The following WWOX variants were observed in gnomAD, a reference collection of about 807,000 sequenced individuals.
The protein encoded by WWOX is WW domain-containing oxidoreductase.
WWOX carries 69 observed loss-of-function variants against 46.2 expected under a neutral mutation model. That is an observed-to-expected ratio of 1.49 (90% CI 1.23 to 1.82). The LOEUF (loss-of-function observed/expected upper bound fraction) is 1.82. Ranked by LOEUF, WWOX falls within the 40% of genes most tolerant of loss-of-function variation. The pLI, the probability that WWOX is intolerant of heterozygous loss-of-function variation, is 0.00. For synonymous variants in WWOX, 359 were observed against 202.6 expected (o/e 1.77, Z -6.56); for missense variants, 919 against 542.6 (o/e 1.69, Z -6.89).
At chr16:78,965,716 C>T (rs773089189) in intron 8 of WWOX, among the ~76,000 whole-genome samples, 2 of 152,190 alleles carry the variant, frequency 1.3e-5, no homozygotes, top group Non-Finnish European at 1.5e-5. Context: ...CTTTGCCCTT[C>T]CCGCATTGTG....
chr16:78,123,447 T>G lies in WWOX; in HGVS notation c.409+8293T>G, dbSNP rs1476119054. ...TTCTTTGTTTTTTGTTTTGTTTTTTTTTTTTTTGTTTTTTTTTTTTGTTTT... is the reference window on the plus strand; with the variant it reads ...TTCTTTGTTTTTTGTTTTGTTTTTTGTTTTTTTGTTTTTTTTTTTTGTTTT... On this transcript the variant is annotated intron_variant, in intron 4 of 8. Coordinates refer to ENST00000566780, the MANE Select transcript of WWOX (RefSeq NM_016373.4). 16 of 26,094 alleles carry G rather than the reference T, an allele frequency of 6.1e-4. 1 individual carries two copies. The highest frequency in any genetic ancestry group is 2.9e-3 in the African/African-American group (15 of 5,100). 1.6% of individuals were successfully genotyped at this position (26,094 alleles called of 1,614,324 possible). A position where few individuals can be genotyped will look rare whatever the true frequency, so the allele number is the denominator to read the frequency against.
chr16:78,882,201 G>A (rs2044356927), intron 8 of WWOX, among the ~76,000 whole-genome samples: 2 of 152,190 alleles, frequency 1.3e-5, no homozygotes, highest in African/African-American at 4.8e-5. Context: ...AAGAATAAGT[G>A]TCATAAAGCC....
chr16:78,281,211 A>G (rs895579139), intron 5 of WWOX, among the ~76,000 whole-genome samples: 2 of 152,242 alleles, frequency 1.3e-5, no homozygotes, highest in Non-Finnish European at 2.9e-5. Flanking sequence ...CCAGATCTCC[A>G]GAGATCTCAC....
intron 8 of WWOX, among the ~76,000 whole-genome samples, chr16:78,968,486 G>T (rs1283257190): frequency 6.6e-6 from 1 of 152,184 alleles, no homozygotes; most frequent in Non-Finnish European, 1.5e-5. Context: ...CTTCATCGTG[G>T]ATGCAATTAT....
chr16:78,647,881 G>T (rs914997779), intron 8 of WWOX, among the ~76,000 whole-genome samples: 3 of 151,968 alleles, frequency 2.0e-5, no homozygotes, highest in African/African-American at 7.2e-5. Flanking sequence ...CTCTCACTCT[G>T]AGTATTTAGA....
At chr16:78,173,385 C>A (rs1046014059) in intron 5 of WWOX, among the ~76,000 whole-genome samples, 1 of 151,986 alleles carries the variant, frequency 6.6e-6, no homozygotes, top group African/African-American at 2.4e-5. Flanking sequence ...ACCTCCTGGG[C>A]TCAAGTGATC....
At chr16:78,180,422 C>T (rs1035944397) in intron 5 of WWOX, among the ~76,000 whole-genome samples, 2 of 151,794 alleles carry the variant, frequency 1.3e-5, no homozygotes, top group Non-Finnish European at 2.9e-5. Flanking sequence ...CCAGCTGCAC[C>T]CAAGAGTAGG....
At chr16:79,085,556 A>G (rs117749355) in intron 8 of WWOX, among the ~76,000 whole-genome samples, 7 of 152,304 alleles carry the variant, frequency 4.6e-5, no homozygotes, top group Non-Finnish European at 1.0e-4. Flanking sequence ...TGGAAATGCA[A>G]CTTTCTCAAT....
chr16:78,154,010 A>C (rs1228412907), intron 4 of WWOX, among the ~76,000 whole-genome samples: 2 of 151,926 alleles, frequency 1.3e-5, no homozygotes, highest in Non-Finnish European at 2.9e-5. Flanking sequence ...TGTCCAACCT[A>C]CCAGTGAGTC....
chr16:78,759,577 C>A (rs965928830), intron 8 of WWOX, among the ~76,000 whole-genome samples: 1 of 152,084 alleles, frequency 6.6e-6, no homozygotes, highest in Non-Finnish European at 1.5e-5. Flanking sequence ...TTTAAACTAA[C>A]CCTCTAAAGA....
At chr16:78,307,113 G>A (rs1379049172) in intron 5 of WWOX, among the ~76,000 whole-genome samples, 2 of 152,074 alleles carry the variant, frequency 1.3e-5, no homozygotes, top group African/African-American at 2.4e-5. Flanking sequence ...TTTCTACACC[G>A]TGGCTACTTT....
At chr16:78,216,123 A>C (rs2036713798) in intron 5 of WWOX, among the ~76,000 whole-genome samples, 1 of 152,216 alleles carries the variant, frequency 6.6e-6, no homozygotes, top group South Asian at 2.1e-4. Context: ...TGTGTGGACC[A>C]TTCCATCTCA....
At chr16:78,760,203 G>A (rs1419158152) in intron 8 of WWOX, among the ~76,000 whole-genome samples, 2 of 152,128 alleles carry the variant, frequency 1.3e-5, no homozygotes, top group African/African-American at 2.4e-5. Context: ...GCCAGGTGAA[G>A]GAGTTTCCCG....
At chr16:78,760,803 ACCCAAGAC>A (rs2049773655) in intron 8 of WWOX, among the ~76,000 whole-genome samples, 1 of 152,142 alleles carries the variant, frequency 6.6e-6, no homozygotes, top group Non-Finnish European at 1.5e-5. Flanking sequence ...ATAAAGACAT[ACCCAAGAC>A]TGTGCAATTT....
At chr16:79,204,330 C>T (rs751791733) in intron 8 of WWOX, 11 of 152,046 alleles carry the variant, frequency 7.2e-5, no homozygotes, top group Non-Finnish European at 1.2e-4. Context: ...TTTGGGCAGG[C>T]ACAAATGGAA....
chr16:78,630,854 C>T lies in WWOX; in HGVS notation c.1056+198102C>T, dbSNP rs142510479. Among the ~76,000 whole-genome samples, 125 of 144,976 alleles carry T rather than the reference C, an allele frequency of 8.6e-4. 1 individual carries two copies. The East Asian group carries it at 0.012, about 14-fold the overall frequency. ...AGCCAACAAATACTGGGTGAATGAACGAAAGAGGCCATATGCAGTCAGCCC... is the reference window on the plus strand; with the variant it reads ...AGCCAACAAATACTGGGTGAATGAATGAAAGAGGCCATATGCAGTCAGCCC... On this transcript the variant is annotated intron_variant, in intron 8 of 8. Coordinates refer to ENST00000566780, the MANE Select transcript of WWOX (RefSeq NM_016373.4).
chr16:78,950,565 C>T (rs1490417968), intron 8 of WWOX, among the ~76,000 whole-genome samples: 1 of 148,820 alleles, frequency 6.7e-6, no homozygotes, highest in African/African-American at 2.5e-5. Context: ...CACACACACA[C>T]GTTTCTGGTA....
At chr16:78,334,802 A>ACGCGTGCG (rs1386510573) in intron 5 of WWOX, among the ~76,000 whole-genome samples, 1 of 56,696 alleles carries the variant, frequency 1.8e-5, no homozygotes, top group Non-Finnish European at 4.0e-5. Context: ...CCACACACAC[A>ACGCGTGCG]CACACGCACA....
intron 8 of WWOX, among the ~76,000 whole-genome samples, chr16:79,103,815 G>A (rs1465483960): frequency 6.6e-6 from 1 of 152,094 alleles, no homozygotes; most frequent in African/African-American, 2.4e-5. Context: ...CCCTTCTCAA[G>A]CAAAGGCATC....
Sources: allele counts gnomAD v4.1 joint callset (sites outside exome capture counted in the v4.1 genomes callset), GRCh38; gene constraint gnomAD v4.1.1; transcripts MANE v1.5; gene names NCBI Gene and HGNC (gene_info 2026-07-23, HGNC 2026-07-21).